The following MAP7 variants were observed in gnomAD, a reference collection of about 807,000 sequenced individuals.
The protein encoded by MAP7 is ensconsin.
In MAP7, 52 loss-of-function variants were observed where a neutral mutation model predicts 94.8. The observed-to-expected ratio is 0.55, with a 90% CI of 0.44 to 0.69. The LOEUF (loss-of-function observed/expected upper bound fraction) is 0.69, where lower values mean the gene tolerates loss of function less well. Ranked by LOEUF, MAP7 falls within the 30% of genes least tolerant of loss-of-function variation. MAP7 has a pLI of 0.00. For synonymous variants in MAP7, 350 were observed against 357.0 expected (o/e 0.98, Z 0.22); for missense variants, 940 against 964.6 (o/e 0.97, Z 0.34).
chr6:136,491,481 C>T (rs983898045), intron 1 of MAP7, among the ~76,000 whole-genome samples: 3 of 152,208 alleles, frequency 2.0e-5, no homozygotes, highest in East Asian at 1.9e-4. Context: ...TGGCATCACC[C>T]GGTTTATCAT....
At chr6:136,549,323 C>A (rs1366622071) in intron 1 of MAP7, among the ~76,000 whole-genome samples, 1 of 152,134 alleles carries the variant, frequency 6.6e-6, no homozygotes, top group Non-Finnish European at 1.5e-5. Flanking sequence ...TAAGAAACTG[C>A]CTCACTGCCC....
At chr6:136,524,364 G>A (rs1384303026) in intron 1 of MAP7, among the ~76,000 whole-genome samples, 1 of 152,150 alleles carries the variant, frequency 6.6e-6, no homozygotes, top group Non-Finnish European at 1.5e-5. Context: ...TACCCCATGA[G>A]AACAATTCAA....
intron 1 of MAP7, among the ~76,000 whole-genome samples, chr6:136,434,822 C>T (rs969502855): frequency 2.0e-5 from 3 of 152,190 alleles, no homozygotes; most frequent in Non-Finnish European, 2.9e-5. Flanking sequence ...ATGTGGCAGG[C>T]GCCACAACCT....
intron 1 of MAP7, among the ~76,000 whole-genome samples, chr6:136,490,446 C>T (rs1344892698): frequency 6.6e-6 from 1 of 152,094 alleles, no homozygotes; most frequent in African/African-American, 2.4e-5. Context: ...ACCTCATCAC[C>T]TGTTTTTTGA....
rs139215639 is a variant in MAP7, at chr6:136,457,075, A to AT, written c.68-35277_68-35276insA. On this transcript the variant is annotated intron_variant, in intron 1 of 17. Coordinates refer to ENST00000354570, the MANE Select transcript of MAP7 (RefSeq NM_003980.6). Reference sequence around the variant, plus strand: ...AAACCTTTAGCTAAACTAAAAAAAAACTCAAACAAAAAAAAATCAGAGATG... The same window carrying AT: ...AAACCTTTAGCTAAACTAAAAAAAAATCTCAAACAAAAAAAAATCAGAGATG... 2.8e-3 allele frequency among the ~76,000 whole-genome samples: 417 copies of AT among 151,420 alleles called. 3 individuals carry two copies. The highest frequency in any genetic ancestry group is 9.4e-3 in the African/African-American group (387 of 41,372).
At chr6:136,451,106 A>G (rs1328778555) in intron 1 of MAP7, among the ~76,000 whole-genome samples, 2 of 152,222 alleles carry the variant, frequency 1.3e-5, no homozygotes, top group African/African-American at 4.8e-5. Context: ...GGATGGCTCT[A>G]AATCTAAACT....
chr6:136,379,848 T>C (rs1197807005), intron 6 of MAP7, among the ~76,000 whole-genome samples: 1 of 152,196 alleles, frequency 6.6e-6, no homozygotes, highest in Non-Finnish European at 1.5e-5. Context: ...CTGTTTCATA[T>C]CTCCTGATAC....
intron 5 of MAP7, among the ~76,000 whole-genome samples, chr6:136,387,334 A>T (rs1192835958): frequency 6.6e-6 from 1 of 152,192 alleles, no homozygotes; most frequent in Non-Finnish European, 1.5e-5. Flanking sequence ...TAATCCTGAC[A>T]TTGAAAAAAG....
At chr6:136,360,855 C>A (rs1792455390) in intron 12 of MAP7, 57 bp from the exon 13 acceptor site, 1 of 1,591,186 alleles carries the variant, frequency 6.3e-7, no homozygotes, top group South Asian at 1.1e-5. Context: ...CCCGGGTCTC[C>A]CAGGGGGTGC....
At position 136,547,361 on chromosome 6, in the gene MAP7, T is replaced by C. The variant is rs570438141; in HGVS notation, c.67+2981A>G. ...AAAGCAGCTTTAAATTTGCTTTTAG[T>C]TCAGGAGGTTTTTAAAACAGGCTAT... On this transcript the variant is annotated intron_variant, in intron 1 of 17. Coordinates refer to ENST00000354570, the MANE Select transcript of MAP7 (RefSeq NM_003980.6). 5.3e-5 allele frequency among the ~76,000 whole-genome samples: 8 copies of C among 152,314 alleles called. No homozygotes were observed. In the South Asian group the frequency reaches 1.7e-3, roughly 32 times the overall value.
chr6:136,430,594 T>A (rs1046123164), intron 1 of MAP7, among the ~76,000 whole-genome samples: 1 of 152,246 alleles, frequency 6.6e-6, no homozygotes, highest in Non-Finnish European at 1.5e-5. Context: ...TTAAATTTCT[T>A]ATGTAAACTT....
intron 1 of MAP7, among the ~76,000 whole-genome samples, chr6:136,449,225 G>A (rs1800341759): frequency 6.6e-6 from 1 of 152,128 alleles, no homozygotes; most frequent in African/African-American, 2.4e-5. Flanking sequence ...AACCCAGGAG[G>A]CGGAGCTCGC....
intron 2 of MAP7, among the ~76,000 whole-genome samples, chr6:136,414,231 C>T (rs1304343927): frequency 9.0e-5 from 7 of 77,878 alleles, no homozygotes; most frequent in Non-Finnish European, 1.3e-4. Context: ...CCAGCCTGGG[C>T]GACAGAGCGA....
intron 13 of MAP7, 72 bp downstream of exon 13, chr6:136,360,625 C>T (rs1360859666): frequency 8.9e-6 from 12 of 1,342,594 alleles, no homozygotes; most frequent in East Asian, 2.3e-5. Context: ...CGTTTTCTGA[C>T]GGCCAGGGCT....
At chr6:136,448,659 C>T (rs1040394111) in intron 1 of MAP7, among the ~76,000 whole-genome samples, 6 of 151,898 alleles carry the variant, frequency 4.0e-5, no homozygotes, top group Admixed American at 6.6e-5. Context: ...GTGATCTTCC[C>T]GCCTTGGCCT....
At chr6:136,501,506 T>C (rs936380283) in intron 1 of MAP7, among the ~76,000 whole-genome samples, 5 of 152,244 alleles carry the variant, frequency 3.3e-5, no homozygotes, top group Non-Finnish European at 7.3e-5. Context: ...CCACTCATGA[T>C]GGTGGTTGTC....
intron 2 of MAP7, among the ~76,000 whole-genome samples, chr6:136,413,442 AAT>A (rs984051505): frequency 2.0e-5 from 3 of 151,176 alleles, no homozygotes; most frequent in African/African-American, 4.9e-5. Context: ...GAATCGCTTG[AAT>A]CCGGGAGGTG....
intron 6 of MAP7, among the ~76,000 whole-genome samples, chr6:136,383,384 G>A (rs950564817): frequency 2.0e-5 from 3 of 152,226 alleles, no homozygotes; most frequent in African/African-American, 4.8e-5. Context: ...TGGTGGATAA[G>A]TGGGTGATTT....
intron 1 of MAP7, among the ~76,000 whole-genome samples, chr6:136,468,254 T>G (rs1807797238): frequency 1.3e-5 from 2 of 152,224 alleles, no homozygotes; most frequent in African/African-American, 4.8e-5. Context: ...GGATAATTCT[T>G]TGTTGTGGGT....
Sources: gnomAD v4.1 joint callset for allele counts (sites outside exome capture counted in the v4.1 genomes callset) on GRCh38, gnomAD v4.1.1 for gene constraint, MANE v1.5 for transcripts, NCBI Gene and HGNC (gene_info 2026-07-23, HGNC 2026-07-21) for gene names.